Variants in EPB41L4A observed in about 807,000 individuals in gnomAD.
EPB41L4A encodes the protein band 4.1-like protein 4A.
In EPB41L4A, 100 loss-of-function variants were observed where a neutral mutation model predicts 108.6. That is an observed-to-expected ratio of 0.92 (90% CI 0.78 to 1.09). EPB41L4A has a LOEUF of 1.09. Ranked by LOEUF, EPB41L4A falls within the 50% of genes least tolerant of loss-of-function variation. The probability of loss-of-function intolerance (pLI) is 0.00; values close to 1 mark genes in which losing one functional copy is unlikely to be tolerated. For synonymous variants in EPB41L4A, 319 were observed against 289.0 expected, an observed-to-expected ratio of 1.10 and a Z score of -1.05; for missense variants, 1,030 against 842.7, an observed-to-expected ratio of 1.22 and a Z score of -2.75.
intron 2 of EPB41L4A, among the ~76,000 whole-genome samples, chr5:112,300,865 T>A (rs1754308332): frequency 6.6e-6 from 1 of 152,206 alleles, no homozygotes. Context: ...TTAGTCTTTG[T>A]TGGACTGGGT....
intron 1 of EPB41L4A, among the ~76,000 whole-genome samples, chr5:112,411,969 A>G (rs1762436799): frequency 6.6e-6 from 1 of 152,144 alleles, no homozygotes; most frequent in African/African-American, 2.4e-5. Context: ...CACGGCCCCC[A>G]CTGTTCTCTA....
chr5:112,292,000 G>A (rs1753672403), intron 2 of EPB41L4A, among the ~76,000 whole-genome samples: 1 of 152,202 alleles, frequency 6.6e-6, no homozygotes, highest in African/African-American at 2.4e-5. Context: ...TACATGGGTA[G>A]AGACTTTTTC....
At chr5:112,361,853 T>A (rs1758789293) in intron 1 of EPB41L4A, among the ~76,000 whole-genome samples, 1 of 152,072 alleles carries the variant, frequency 6.6e-6, no homozygotes, top group African/African-American at 2.4e-5. Flanking sequence ...TGCCACTGCC[T>A]TCAGCCTGGT....
At chr5:112,220,969 TG>T (rs1348463796) in intron 12 of EPB41L4A, among the ~76,000 whole-genome samples, 1 of 152,232 alleles carries the variant, frequency 6.6e-6, no homozygotes, top group African/African-American at 2.4e-5. Context: ...TGACTGTCCA[TG>T]AATATACACA....
At chr5:112,142,201 A>C (rs892931339), downstream of EPB41L4A, among the ~76,000 whole-genome samples, 2 of 151,030 alleles carry the variant, frequency 1.3e-5, no homozygotes, top group African/African-American at 2.4e-5. Flanking sequence ...ACTTACCACT[A>C]CTCCTCTCCT....
At chr5:112,314,269 T>C (rs772362025) in intron 1 of EPB41L4A, among the ~76,000 whole-genome samples, 5 of 151,936 alleles carry the variant, frequency 3.3e-5, no homozygotes, top group Non-Finnish European at 7.4e-5. Context: ...TTCCTTAACA[T>C]GCTGAAAAGG....
At chr5:112,170,536 G>A (rs965333979) in intron 19 of EPB41L4A, among the ~76,000 whole-genome samples, 167 bp from the exon 20 acceptor site, 3 of 152,054 alleles carry the variant, frequency 2.0e-5, no homozygotes, top group African/African-American at 7.2e-5. Flanking sequence ...AAATAGGAGG[G>A]GTAAAACCTT....
intron 1 of EPB41L4A, among the ~76,000 whole-genome samples, chr5:112,403,153 C>T (rs1051866568): frequency 5.3e-5 from 8 of 152,052 alleles, no homozygotes; most frequent in Non-Finnish European, 7.4e-5. Flanking sequence ...CCACTGTCAA[C>T]CTGGAGGCTG....
At chr5:112,279,505 C>T (rs948989925) in intron 3 of EPB41L4A, among the ~76,000 whole-genome samples, 2 of 152,118 alleles carry the variant, frequency 1.3e-5, no homozygotes, top group Admixed American at 6.5e-5. Flanking sequence ...TGGAGATGGA[C>T]AGTGATGATG....
intron 4 of EPB41L4A, among the ~76,000 whole-genome samples, chr5:112,273,583 G>C (rs933362709): frequency 6.6e-6 from 1 of 152,116 alleles, no homozygotes; most frequent in Non-Finnish European, 1.5e-5. Context: ...CATAGTACGA[G>C]ACACGGACAA....
At chr5:112,339,502 A>ATAGATATCTATATATATATC (rs1561585272) in intron 1 of EPB41L4A, among the ~76,000 whole-genome samples, 36 of 102,494 alleles carry the variant, frequency 3.5e-4, no homozygotes, top group Admixed American at 1.7e-3. Flanking sequence ...ATATCTATAT[A>ATAGATATCTATATATATATC]TATATATAGA....
At chr5:112,222,744 C>T (rs1385213885) in intron 12 of EPB41L4A, among the ~76,000 whole-genome samples, 2 of 152,206 alleles carry the variant, frequency 1.3e-5, no homozygotes, top group East Asian at 3.9e-4. Context: ...ATCTGCTGGA[C>T]TGCACATCAT....
At chr5:112,209,818 T>C in intron 13 of EPB41L4A, 74 bp downstream of exon 13, 1 of 859,790 alleles carries the variant, frequency 1.2e-6, no homozygotes. Context: ...AAAAGATTTT[T>C]AACCTTGTCT....
rs570745390 is a variant in EPB41L4A, at chr5:112,164,890, T to C, written c.*100A>G. On this transcript the variant is annotated 3_prime_UTR_variant, in exon 23 of 23. Transcript: ENST00000261486. Reference sequence around the variant, plus strand: ...TATTTTCTCATGCTGAAGAAATACTTGCAGGTCTGAGATTTGAATTAAGAT... The same window carrying C: ...TATTTTCTCATGCTGAAGAAATACTCGCAGGTCTGAGATTTGAATTAAGAT... The C allele has an allele frequency of 1.6e-4, 191 of 1,204,700 alleles. No homozygotes were observed. Among genetic ancestry groups the C allele is most frequent in the Non-Finnish European group, 1.0e-5 (9 of 889,000 alleles). The allele number at this position is 1,204,700 out of a possible 1,614,324, so 74.6% of individuals were successfully genotyped here. A position where few individuals can be genotyped will look rare whatever the true frequency, so the allele number is the denominator to read the frequency against.
intron 2 of EPB41L4A, among the ~76,000 whole-genome samples, chr5:112,284,622 A>G (rs1753166256): frequency 6.6e-6 from 1 of 152,140 alleles, no homozygotes; most frequent in South Asian, 2.1e-4. Context: ...GAAGGTAACA[A>G]TGAACCCAAA....
At chr5:112,348,266 T>C (rs1408926257) in intron 1 of EPB41L4A, among the ~76,000 whole-genome samples, 1 of 152,220 alleles carries the variant, frequency 6.6e-6, no homozygotes. Context: ...TTTGTCCATT[T>C]ACCACATCAT....
exon 14 of EPB41L4A, chr5:112,143,842 T>A (rs1243009541): frequency 2.2e-6 from 1 of 455,656 alleles, no homozygotes; most frequent in South Asian, 1.6e-5. Flanking sequence ...TCACTTCATG[T>A]GCTGACCCTG....
chr5:112,192,440 G>A (rs1170631640), intron 17 of EPB41L4A, among the ~76,000 whole-genome samples: 9 of 152,106 alleles, frequency 5.9e-5, no homozygotes, highest in African/African-American at 1.9e-4. Flanking sequence ...ATTTCTATAC[G>A]TAGCATAAAT....
chr5:112,302,351 A>C (rs13160791), intron 2 of EPB41L4A, among the ~76,000 whole-genome samples: 2 of 152,112 alleles, frequency 1.3e-5, no homozygotes, highest in African/African-American at 2.4e-5. Context: ...AAAAGAAAAA[A>C]AAATCTTGAA....
Sources: gnomAD v4.1 joint callset for allele counts (sites outside exome capture counted in the v4.1 genomes callset) on GRCh38, gnomAD v4.1.1 for gene constraint, MANE v1.5 for transcripts, NCBI Gene and HGNC (gene_info 2026-07-23, HGNC 2026-07-21) for gene names.